DLGAP2: variants seen among roughly 807,000 people sequenced by gnomAD.
DLGAP2 encodes the protein disks large-associated protein 2.
Under a neutral mutation model 100.3 loss-of-function variants are expected in DLGAP2, and 26 were observed. The ratio of observed to expected loss-of-function variants is 0.26; its 90% CI spans 0.19 to 0.36. DLGAP2 has a LOEUF of 0.36. DLGAP2 is among the 10% of genes least tolerant of loss of function. DLGAP2 has a pLI of 1.00. For missense variants in DLGAP2, 1,858 were observed against 1,453.2 expected (o/e 1.28, Z -4.53); for synonymous variants, 886 against 630.1 (o/e 1.41, Z -6.08).
intron 2 of DLGAP2, among the ~76,000 whole-genome samples, chr8:930,213 A>T (rs1336597522): frequency 6.6e-6 from 1 of 152,182 alleles, no homozygotes; most frequent in Non-Finnish European, 1.5e-5. Context: ...GCCTTCCTGG[A>T]GGAAGCAAAG....
chr8:895,022 AGTGGG>A (rs1798117728), intron 1 of DLGAP2, among the ~76,000 whole-genome samples: 1 of 11,230 alleles, frequency 8.9e-5, no homozygotes, highest in African/African-American at 3.7e-4. Context: ...AGGGTGGGGG[AGTGGG>A]GTGGTGGCTG....
intron 2 of DLGAP2, among the ~76,000 whole-genome samples, chr8:1,006,183 C>T (rs1410330319): frequency 6.6e-6 from 1 of 152,108 alleles, no homozygotes; most frequent in Non-Finnish European, 1.5e-5. Context: ...AGCGAGACAC[C>T]ATCTCAAAAA....
intron 1 of DLGAP2, among the ~76,000 whole-genome samples, chr8:867,751 GT>G (rs1450611544): frequency 6.6e-6 from 1 of 152,182 alleles, no homozygotes; most frequent in African/African-American, 2.4e-5. Context: ...CGTAATTCCT[GT>G]TCATATTGGT....
chr8:1,239,523 TGG>T, intron 2 of DLGAP2, among the ~76,000 whole-genome samples: 1 of 101,896 alleles, frequency 9.8e-6, no homozygotes, highest in African/African-American at 4.9e-5. Flanking sequence ...TTCTCTCACA[TGG>T]TGCCGTGTCT....
chr8:1,444,074 C>T (rs1053481261), intron 3 of DLGAP2, among the ~76,000 whole-genome samples: 2 of 152,086 alleles, frequency 1.3e-5, no homozygotes, highest in Non-Finnish European at 2.9e-5. Context: ...ACCATGCTCT[C>T]CCTACACCTC....
At chr8:1,168,466 A>C (rs1396447959) in intron 2 of DLGAP2, among the ~76,000 whole-genome samples, 3 of 149,426 alleles carry the variant, frequency 2.0e-5, no homozygotes, top group Admixed American at 1.3e-4. Flanking sequence ...ACTGACTTCC[A>C]CAATGCTTGA....
chr8:848,781 G>A (rs78816774), intron 1 of DLGAP2, among the ~76,000 whole-genome samples: 2 of 148,266 alleles, frequency 1.3e-5, no homozygotes, highest in African/African-American at 2.5e-5. Context: ...CCAGTGTAGG[G>A]TCGTGCGGTG....
chr8:952,993 G>C (rs528212208), intron 2 of DLGAP2, among the ~76,000 whole-genome samples: 2 of 152,116 alleles, frequency 1.3e-5, no homozygotes, highest in South Asian at 4.1e-4. Flanking sequence ...TGAGATTATA[G>C]CATCATGCAC....
chr8:1,189,399 C>T (rs762701908), intron 2 of DLGAP2, among the ~76,000 whole-genome samples: 4 of 152,210 alleles, frequency 2.6e-5, no homozygotes, highest in East Asian at 3.9e-4. Flanking sequence ...ACTGAACCAT[C>T]TGGAGTGCAG....
At chr8:1,344,269 A>G (rs1013105397) in intron 3 of DLGAP2, among the ~76,000 whole-genome samples, 12 of 145,064 alleles carry the variant, frequency 8.3e-5, no homozygotes, top group Non-Finnish European at 1.8e-4. Context: ...CCCTCGAGCT[A>G]CGTGCCCAGG....
At chr8:1,012,783 A>T (rs929298344) in intron 2 of DLGAP2, among the ~76,000 whole-genome samples, 3 of 104,184 alleles carry the variant, frequency 2.9e-5, no homozygotes, top group African/African-American at 1.1e-4. Flanking sequence ...CCCCCACTTC[A>T]GCGGCAGTGT....
At chr8:1,291,977 G>A (rs536488568) in intron 3 of DLGAP2, among the ~76,000 whole-genome samples, 2 of 152,338 alleles carry the variant, frequency 1.3e-5, no homozygotes, top group East Asian at 1.9e-4. Context: ...GTAGGGACAT[G>A]AGAGGCTTTC....
At chr8:1,327,445 A>C (rs536920412) in intron 3 of DLGAP2, among the ~76,000 whole-genome samples, 1 of 152,196 alleles carries the variant, frequency 6.6e-6, no homozygotes, top group Non-Finnish European at 1.5e-5. Flanking sequence ...TTATTGGTTT[A>C]GTGACTTCTC....
At chr8:1,510,952 C>A (rs1800140549) in intron 4 of DLGAP2, among the ~76,000 whole-genome samples, 2 of 152,230 alleles carry the variant, frequency 1.3e-5, no homozygotes, top group Admixed American at 1.3e-4. Context: ...CAATCTGGCA[C>A]ATCTCCCTTT....
intron 2 of DLGAP2, among the ~76,000 whole-genome samples, chr8:908,246 T>G (rs961260586): frequency 1.3e-5 from 2 of 152,244 alleles, no homozygotes; most frequent in Non-Finnish European, 2.9e-5. Context: ...ACTGGTTGTC[T>G]TATAAACTTG....
intron 6 of DLGAP2, among the ~76,000 whole-genome samples, chr8:1,574,617 A>G (rs1220205283): frequency 6.6e-6 from 1 of 152,224 alleles, no homozygotes; most frequent in East Asian, 1.9e-4. Flanking sequence ...CAGTTAGTTG[A>G]CATTTCCATT....
chr8:1,498,935 A>G (rs571283110), intron 3 of DLGAP2, among the ~76,000 whole-genome samples: 2 of 152,344 alleles, frequency 1.3e-5, no homozygotes, highest in South Asian at 2.1e-4. Context: ...GAAACCTTCC[A>G]TGCATGTACC....
intron 2 of DLGAP2, among the ~76,000 whole-genome samples, chr8:962,860 G>C (rs935032202): frequency 5.3e-5 from 8 of 152,202 alleles, no homozygotes; most frequent in Admixed American, 4.6e-4. Flanking sequence ...GCCTTCGTAG[G>C]ATCCATCTGT....
At chr8:1,420,889 G>A (rs1015024655) in intron 3 of DLGAP2, among the ~76,000 whole-genome samples, 2 of 152,178 alleles carry the variant, frequency 1.3e-5, no homozygotes, top group Admixed American at 6.5e-5. Context: ...CGTTGCCTGG[G>A]CTGCAGGTGT....
Sources: gnomAD v4.1 joint callset for allele counts (sites outside exome capture counted in the v4.1 genomes callset) on GRCh38, gnomAD v4.1.1 for gene constraint, MANE v1.5 for transcripts, NCBI Gene and HGNC (gene_info 2026-07-23, HGNC 2026-07-21) for gene names.